ZBTB33: variants seen among roughly 807,000 people sequenced by gnomAD.
The protein encoded by ZBTB33 is transcriptional regulator Kaiso.
A neutral mutation model predicts 25.9 loss-of-function variants in ZBTB33; 11 were observed. The observed-to-expected ratio is 0.42, with a 90% CI of 0.27 to 0.70. The LOEUF is 0.70. Among genes scored for constraint, ZBTB33 ranks in the 30% least tolerant of loss-of-function variants. ZBTB33 has a pLI of 0.23. For missense variants in ZBTB33, 343 were observed against 501.1 expected (o/e 0.68, Z 3.01); for synonymous variants, 157 against 184.8 (o/e 0.85, Z 1.22).
At position 120,256,373 on chromosome X, in the gene ZBTB33, T is replaced by C. The variant is rs1183074099; in HGVS notation, c.*939T>C. 2 of 122,855 alleles carry C rather than the reference T, an allele frequency of 1.6e-5. No homozygotes were observed. Among genetic ancestry groups the C allele is most frequent in the African/African-American group, 6.5e-5 (2 of 30,739 alleles). 10.1% of individuals were successfully genotyped at this position (122,855 alleles called of 1,213,427 possible). A position where few individuals can be genotyped will look rare whatever the true frequency, so the allele number is the denominator to read the frequency against. On this transcript the variant is annotated 3_prime_UTR_variant, in exon 3 of 3. Transcript: ENST00000557385. ...ATGATAGATTCCATGGGTGAGACTT[T>C]ACATATTTTGGGTGGGAGGCTACTG...
rs1556014911 is a variant in ZBTB33 at position 120,254,280 on chromosome X, T to TGGTG, written c.865_866insGGTG (p.Ser289TrpfsTer41). 8.3e-7 allele frequency: 1 copy of TGGTG among 1,212,083 alleles called. No homozygotes were observed. The highest frequency in any genetic ancestry group is 2.2e-5 in the Admixed American group (1 of 46,066). ...TATTTTGTTAAATCAGACACCACTT[T>TGGTG]CTACACCACCAAATGTCAGTTCTTC... is the stretch of plus-strand genomic sequence containing the variant. On this transcript the variant is annotated frameshift_variant, in exon 3 of 3. Coordinates refer to ENST00000557385, the MANE Select transcript of ZBTB33 (RefSeq NM_001184742.2). LOFTEE classifies it high-confidence loss of function.
chrX:120,252,995 C>T (rs868935749), intron 2 of ZBTB33, among the ~76,000 whole-genome samples: 1 of 111,829 alleles, frequency 8.9e-6, no homozygotes, highest in South Asian at 3.7e-4. Context: ...CATTTACAGG[C>T]GAAATAACTT....
rs1556015117 is a variant in ZBTB33 at position 120,254,948 on chromosome X, A to G, written c.1533A>G (p.Arg511=). 1 of 1,211,881 alleles carries G rather than the reference A, an allele frequency of 8.3e-7. No homozygotes were observed. The highest frequency in any genetic ancestry group is 1.1e-6 in the Non-Finnish European group (1 of 895,534). Residue 511 remains arginine (R), a synonymous_variant, in exon 3 of 3, where the codon AGA becomes AGG. Coordinates refer to ENST00000557385, the MANE Select transcript of ZBTB33 (RefSeq NM_001184742.2). ...RSYVCLTSLR[R]HFNIHSWEKK... Reference sequence around the variant, plus strand: ...ATGTCTGTCTGACAAGCTTGCGGAGACATTTTAACATTCATTCTTGGGAGA... The same window carrying G: ...ATGTCTGTCTGACAAGCTTGCGGAGGCATTTTAACATTCATTCTTGGGAGA...
chrX:120,253,531 A>G lies in ZBTB33; in HGVS notation c.116A>G (p.Glu39Gly). 1 of 1,211,730 alleles carries G rather than the reference A, an allele frequency of 8.3e-7. No homozygotes were observed. The highest frequency in any genetic ancestry group is 1.8e-5 in the South Asian group (1 of 56,981). Residue 39 changes from glutamate to glycine, a missense_variant, in exon 3 of 3, where the codon GAA (glutamate) becomes GGA (glycine). By Grantham distance (98) the Glu-to-Gly change is moderately conservative (BLOSUM62 -2). This residue lies in a region of ZBTB33 where 39 missense variants were observed against 91.1 expected (regional missense o/e 0.43). Transcript: ENST00000557385. Reference protein sequence around the residue: ...GLFCDVTVIVEDRKFRAHKNI... With the variant: ...GLFCDVTVIVGDRKFRAHKNI... The stretch of plus-strand genomic sequence containing the variant: ...TTCTGTGATGTTACCGTTATTGTGG[A>G]AGACCGAAAATTCCGGGCTCACAAG...
At chrX:120,252,124 G>A (rs2057604629) in intron 1 of ZBTB33, among the ~76,000 whole-genome samples, 1 of 111,512 alleles carries the variant, frequency 9.0e-6, no homozygotes, top group African/African-American at 3.3e-5. Context: ...CTTTTTGCCT[G>A]CTGTTTGTTC....
chrX:120,251,349 C>A (rs978888917), intron 1 of ZBTB33, among the ~76,000 whole-genome samples: 14 of 110,484 alleles, frequency 1.3e-4, no homozygotes, highest in African/African-American at 4.6e-4. Flanking sequence ...GCCCATCCTC[C>A]CCTTCCGTCC....
In ZBTB33 at chrX:120,257,939, C is replaced by G. The variant is rs1236756459; in HGVS notation, c.*2505C>G. 1 of 122,885 alleles carries G rather than the reference C, an allele frequency of 8.1e-6. No homozygotes were observed. Among genetic ancestry groups the G allele is most frequent in the African/African-American group, 3.3e-5 (1 of 30,712 alleles). 10.1% of individuals were successfully genotyped at this position (122,885 alleles called of 1,213,427 possible). ...TACCTGTAAATATTCTGGATAGGAA[C>G]TACTTGAAATAGTAATTTGTTAAAA... On this transcript the variant is annotated 3_prime_UTR_variant, in exon 3 of 3. Coordinates refer to ENST00000557385, the MANE Select transcript of ZBTB33 (RefSeq NM_001184742.2).
intron 2 of ZBTB33, 59 bp from the exon 3 acceptor site, chrX:120,253,355 A>G: frequency 1.0e-6 from 1 of 997,530 alleles, no homozygotes; most frequent in Non-Finnish European, 1.4e-6. Context: ...AATTCTAAAT[A>G]AGTACTTTTG....
At position 120,254,042 on chromosome X, in the gene ZBTB33, G is replaced by A; in HGVS notation, c.627G>A (p.Pro209=). ...SEILPTKETL[P]SNNTVAQVQS... ...TTCTGCCCACAAAGGAGACTTTGCC[G>A]AGTAATAACACAGTGGCACAGGTCC... Residue 209 remains proline, a synonymous_variant, in exon 3 of 3, where the codon CCG becomes CCA. Coordinates refer to ENST00000557385, the MANE Select transcript of ZBTB33 (RefSeq NM_001184742.2). The A allele has an allele frequency of 1.7e-6, 2 of 1,210,071 alleles. No homozygotes were observed. Among genetic ancestry groups the A allele is most frequent in the Admixed American group, 2.2e-5 (1 of 45,962 alleles).
In ZBTB33 at chrX:120,254,442, AGCTCCAGTC is replaced by A; in HGVS notation, c.1028_1036del (p.Ser343_Pro346delinsThr). 8.3e-7 allele frequency: 1 copy of A among 1,211,811 alleles called. No homozygotes were observed. Among genetic ancestry groups the A allele is most frequent in the Non-Finnish European group, 1.1e-6 (1 of 895,577 alleles). Reference sequence around the variant, plus strand: ...AATAGATGATGATGATGACACTATTAGCTCCAGTCCTGACTCGGCCGTCAGTAATACATC... The same window carrying A: ...AATAGATGATGATGATGACACTATTACTGACTCGGCCGTCAGTAATACATC... On this transcript the variant is annotated inframe_deletion, in exon 3 of 3. Coordinates refer to ENST00000557385, the MANE Select transcript of ZBTB33 (RefSeq NM_001184742.2).
Position 120,255,205 on chromosome X carries a change from A to G in ZBTB33, c.1790A>G (p.Tyr597Cys). ...TGCAGGTCTTTACAAATCAGACAAT[A>G]TGCATATCTTTCCGATAGATCAAGC... The part of the protein sequence containing the change: ...HPCRSLQIRQ[Y>C]AYLSDRSSTI... Residue 597 changes from tyrosine (Y) to cysteine (C), a missense_variant, in exon 3 of 3, where the codon TAT becomes TGT. Transcript: ENST00000557385. 1.7e-6 allele frequency: 2 copies of G among 1,211,673 alleles called. No homozygotes were observed. The highest frequency in any genetic ancestry group is 2.2e-6 in the Non-Finnish European group (2 of 895,397).
intron 1 of ZBTB33, among the ~76,000 whole-genome samples, chrX:120,251,262 C>T (rs2057597609): frequency 9.0e-6 from 1 of 111,035 alleles, no homozygotes; most frequent in African/African-American, 3.3e-5. Flanking sequence ...CTTGGCTTTT[C>T]CCTCGCCCCT....
At chrX:120,251,398 T>TCC (rs782472159) in intron 1 of ZBTB33, among the ~76,000 whole-genome samples, 6 of 105,988 alleles carry the variant, frequency 5.7e-5, no homozygotes, top group Middle Eastern at 4.9e-3. Context: ...CTTCGCTTCA[T>TCC]CCCCCCCCCA....
chrX:120,250,921 G>C lies in ZBTB33; in HGVS notation c.-161G>C, dbSNP rs1178768462. The C allele has an allele frequency of 8.8e-5, 10 of 113,095 alleles. No homozygotes were observed. Among genetic ancestry groups the C allele is most frequent in the Admixed American group, 3.7e-4 (4 of 10,801 alleles). The allele number at this position is 113,095 out of a possible 1,213,427, so 9.3% of individuals were successfully genotyped here. A position where few individuals can be genotyped will look rare whatever the true frequency, so the allele number is the denominator to read the frequency against. The stretch of plus-strand genomic sequence containing the variant: ...GGGGAGTGCGGCTTCTTCTTGTTGG[G>C]GGACTCCCAGCCTTCCGCGCGTCCG... On this transcript the variant is annotated 5_prime_UTR_variant, in exon 1 of 3. Transcript: ENST00000557385.
rs912573988 is a variant in ZBTB33 at position 120,255,324 on chromosome X, C to T, written c.1909C>T (p.Pro637Ser). The T allele has an allele frequency of 8.3e-7, 1 of 1,210,975 alleles. No homozygotes were observed. Among genetic ancestry groups the T allele is most frequent in the Non-Finnish European group, 1.1e-6 (1 of 894,869 alleles). ...VGTTTSTQNK[P>S]MTWEDIFIQQ... is the part of the protein sequence containing the mutation. ...GACCACTACATCTACTCAGAACAAG[C>T]CAATGACCTGGGAAGATATTTTTAT... Residue 637 changes from proline (P) to serine (S), a missense_variant, in exon 3 of 3, where the codon CCA (proline) becomes TCA (serine). Transcript: ENST00000557385.
Position 120,255,029 on chromosome X carries a change from A to G in ZBTB33, c.1614A>G (p.Thr538=). 8.3e-7 allele frequency: 1 copy of G among 1,212,080 alleles called. No individual in the cohort carries two copies. Among genetic ancestry groups the G allele is most frequent in the South Asian group, 1.8e-5 (1 of 57,017 alleles). The change falls in exon 3 of 3, where the codon ACA becomes ACG. Residue 538 remains threonine, a synonymous_variant. Coordinates refer to ENST00000557385, the MANE Select transcript of ZBTB33 (RefSeq NM_001184742.2). ...TATTTCCTCTTGCAGAATATCGCAC[A>G]AAGCATGAAATTCATCACACAGGGG... ...EKVFPLAEYR[T]KHEIHHTGER...
In ZBTB33 at chrX:120,254,799, GA is replaced by G. The variant is rs781859968; in HGVS notation, c.1387del (p.Ile463TyrfsTer14). 1 of 1,211,876 alleles carries G rather than the reference GA, an allele frequency of 8.3e-7. No individual in the cohort carries two copies. Among genetic ancestry groups the G allele is most frequent in the Non-Finnish European group, 1.1e-6 (1 of 895,531 alleles). ...TGAAGGGGAGGCCAGACTTGAGAAT[GA>G]AATACCAAAAACGTCTGGCAGCGAG... Reference protein sequence around the residue: ...PDEGEARLENEIPKTSGSEMA... With the variant: ...PDEGEARLENXIPKTSGSEMA... On this transcript the variant is annotated frameshift_variant, in exon 3 of 3. Coordinates refer to ENST00000557385, the MANE Select transcript of ZBTB33 (RefSeq NM_001184742.2). LOFTEE classifies it high-confidence loss of function.
In ZBTB33 at chrX:120,257,235, CAT is replaced by C. The variant is rs2057644305; in HGVS notation, c.*1804_*1805del. The C allele has an allele frequency of 8.1e-5, 10 of 122,946 alleles. No individual in the cohort carries two copies. The South Asian group carries it at 3.3e-3, about 41-fold the overall frequency. 10.1% of individuals were successfully genotyped at this position (122,946 alleles called of 1,213,427 possible). A position where few individuals can be genotyped will look rare whatever the true frequency, so the allele number is the denominator to read the frequency against. On this transcript the variant is annotated 3_prime_UTR_variant, in exon 3 of 3. Transcript: ENST00000557385. The stretch of plus-strand genomic sequence containing the variant: ...AAGACTCTGTGATCTCTGGAATCAC[CAT>C]ATGTTTCTTTTTTGTGTAGATATTA...
intron 1 of ZBTB33, among the ~76,000 whole-genome samples, chrX:120,251,402 C>T (rs2057599009): frequency 9.0e-6 from 1 of 110,688 alleles, no homozygotes; most frequent in Admixed American, 9.5e-5. Flanking sequence ...GCTTCATCCC[C>T]CCCCCAACAC....
Sources: allele counts gnomAD v4.1 joint callset (sites outside exome capture counted in the v4.1 genomes callset), GRCh38; gene constraint gnomAD v4.1.1; regional missense constraint gnomAD v4.1.1; transcripts MANE v1.5; gene names NCBI Gene and HGNC (gene_info 2026-07-23, HGNC 2026-07-21).